FBXW7: variants seen among roughly 807,000 people sequenced by gnomAD.
FBXW7 encodes the protein F-box and WD repeat domain containing 7, also known as F-box/WD repeat-containing protein 7.
A neutral mutation model predicts 86.3 loss-of-function variants in FBXW7; 11 were observed. The ratio of observed to expected loss-of-function variants is 0.13; its 90% CI spans 0.08 to 0.21. FBXW7 has a LOEUF of 0.21. Among genes scored for constraint, FBXW7 ranks in the 10% least tolerant of loss-of-function variants. The pLI, the probability that FBXW7 is intolerant of heterozygous loss-of-function variation, is 1.00. For synonymous variants in FBXW7, 313 were observed against 297.9 expected (o/e 1.05, Z -0.52); for missense variants, 488 against 847.4 (o/e 0.58, Z 5.27).
chr4:152,448,238 A>G (rs923927603), intron 2 of FBXW7, among the ~76,000 whole-genome samples: 1 of 152,202 alleles, frequency 6.6e-6, no homozygotes, highest in African/African-American at 2.4e-5. Context: ...GCAGCTAGTA[A>G]ATCACCTGAT....
intron 2 of FBXW7, among the ~76,000 whole-genome samples, chr4:152,454,262 C>T (rs78663421): frequency 0.016 from 1,827 of 113,694 alleles, 23 homozygotes; most frequent in Middle Eastern, 0.05. Flanking sequence ...CCCCCCCCCC[C>T]TTTTTTTTTT....
rs1290914483 is a variant in FBXW7, at chr4:152,322,732, G to C, written c.*149C>G. Reference sequence around the variant, plus strand: ...TTCTTCTTTTCCTTCTTAGTCTGTAGGTCTTTTCAATCTGTTGCCCCAAGC... The same window carrying C: ...TTCTTCTTTTCCTTCTTAGTCTGTACGTCTTTTCAATCTGTTGCCCCAAGC... On this transcript the variant is annotated 3_prime_UTR_variant, in exon 14 of 14. Coordinates refer to ENST00000281708, the MANE Select transcript of FBXW7 (RefSeq NM_001349798.2). 2 of 1,275,026 alleles carry C rather than the reference G, an allele frequency of 1.6e-6. No homozygotes were observed. Among genetic ancestry groups the C allele is most frequent in the Non-Finnish European group, 1.1e-6 (1 of 947,428 alleles). The allele number at this position is 1,275,026 out of a possible 1,614,324, so 79.0% of individuals were successfully genotyped here.
intron 2 of FBXW7, among the ~76,000 whole-genome samples, chr4:152,438,317 T>C (rs1740573683): frequency 6.6e-6 from 1 of 152,198 alleles, no homozygotes; most frequent in Non-Finnish European, 1.5e-5. Flanking sequence ...GTGACTAACT[T>C]TATTATGATA....
At chr4:152,429,237 C>T (rs1454200042) in intron 2 of FBXW7, among the ~76,000 whole-genome samples, 1 of 152,032 alleles carries the variant, frequency 6.6e-6, no homozygotes, top group Non-Finnish European at 1.5e-5. Flanking sequence ...AAACTGTGTA[C>T]GTGAGTTTTT....
intron 4 of FBXW7, among the ~76,000 whole-genome samples, chr4:152,405,444 G>A (rs886386589): frequency 6.6e-6 from 1 of 152,048 alleles, no homozygotes; most frequent in African/African-American, 2.4e-5. Flanking sequence ...GATGAAACCA[G>A]GTAAAAACTA....
chr4:152,439,603 G>T (rs6852336), intron 2 of FBXW7, among the ~76,000 whole-genome samples: 32 of 151,916 alleles, frequency 2.1e-4, no homozygotes, highest in Middle Eastern at 3.4e-3. Context: ...CGGTGGCTCA[G>T]GCCTGTAATC....
intron 2 of FBXW7, among the ~76,000 whole-genome samples, chr4:152,444,752 C>T (rs1005416026): frequency 2.0e-5 from 3 of 152,136 alleles, no homozygotes; most frequent in Admixed American, 6.5e-5. Flanking sequence ...GATCCCATTC[C>T]GGTGATTCTT....
chr4:152,493,690 C>T (rs1328554463), intron 2 of FBXW7, among the ~76,000 whole-genome samples: 3 of 152,148 alleles, frequency 2.0e-5, no homozygotes, highest in Non-Finnish European at 4.4e-5. Context: ...AGTGAGGACA[C>T]AGCAAGAAGG....
At chr4:152,513,228 A>C (rs539819978) in intron 2 of FBXW7, among the ~76,000 whole-genome samples, 1 of 152,184 alleles carries the variant, frequency 6.6e-6, no homozygotes, top group Non-Finnish European at 1.5e-5. Flanking sequence ...AGTATTTAAT[A>C]GAGTGAATTT....
chr4:152,462,095 C>CT (rs1172697769), intron 2 of FBXW7, among the ~76,000 whole-genome samples: 1 of 152,146 alleles, frequency 6.6e-6, no homozygotes, highest in East Asian at 1.9e-4. Context: ...CAGCTGCTTC[C>CT]TTCTTCTAAC....
chr4:152,409,872 T>C (rs979118531), intron 4 of FBXW7, among the ~76,000 whole-genome samples: 2 of 152,164 alleles, frequency 1.3e-5, no homozygotes, highest in Non-Finnish European at 2.9e-5. Flanking sequence ...CAATAATTGT[T>C]ATTCATGATT....
intron 2 of FBXW7, among the ~76,000 whole-genome samples, chr4:152,522,446 T>A (rs764330635): frequency 4.6e-5 from 7 of 152,226 alleles, no homozygotes; most frequent in Non-Finnish European, 8.8e-5. Flanking sequence ...CTGTGACTCA[T>A]CTTTATCAAT....
At chr4:152,392,982 T>G (rs1478333708) in intron 4 of FBXW7, among the ~76,000 whole-genome samples, 1 of 152,194 alleles carries the variant, frequency 6.6e-6, no homozygotes, top group Non-Finnish European at 1.5e-5. Context: ...AAACTCACTT[T>G]TGGATTTCCT....
chr4:152,362,852 A>G (rs920404759), intron 4 of FBXW7, among the ~76,000 whole-genome samples: 2 of 151,076 alleles, frequency 1.3e-5, no homozygotes, highest in East Asian at 1.9e-4. Flanking sequence ...AAAAAAAACA[A>G]CAAGAACTTG....
At chr4:152,335,837 G>C (rs1463319529) in intron 7 of FBXW7, among the ~76,000 whole-genome samples, 1 of 152,134 alleles carries the variant, frequency 6.6e-6, no homozygotes, top group African/African-American at 2.4e-5. Flanking sequence ...TTTTGCTCTA[G>C]ATCATCTATT....
chr4:152,493,325 T>C (rs940274493), intron 2 of FBXW7, among the ~76,000 whole-genome samples: 1 of 152,022 alleles, frequency 6.6e-6, no homozygotes, highest in Non-Finnish European at 1.5e-5. Flanking sequence ...CCACCAAACC[T>C]GGCTTATTTT....
intron 2 of FBXW7, among the ~76,000 whole-genome samples, chr4:152,448,922 C>T (rs1265598521): frequency 6.6e-6 from 1 of 152,192 alleles, no homozygotes; most frequent in East Asian, 1.9e-4. Context: ...CACTTTCTGT[C>T]TTCCATCAGT....
chr4:152,503,190 G>A lies in FBXW7; in HGVS notation c.-120+31751C>T, dbSNP rs537140838. On this transcript the variant is annotated intron_variant, in intron 2 of 13. Coordinates refer to ENST00000281708, the MANE Select transcript of FBXW7 (RefSeq NM_001349798.2). ...ATATGGAAGACCTTTCTAATAATACGAAAAATCAACAGATTCAAAATGTGA... is the reference window on the plus strand; with the variant it reads ...ATATGGAAGACCTTTCTAATAATACAAAAAATCAACAGATTCAAAATGTGA... Among the ~76,000 whole-genome samples, 130 of 152,112 alleles carry A rather than the reference G, an allele frequency of 8.5e-4. 1 individual carries two copies. The highest frequency in any genetic ancestry group is 1.5e-3 in the Non-Finnish European group (100 of 67,978).
chr4:152,435,319 T>G (rs999975038), intron 2 of FBXW7, among the ~76,000 whole-genome samples: 1 of 152,232 alleles, frequency 6.6e-6, no homozygotes, highest in African/African-American at 2.4e-5. Flanking sequence ...CTTTGAAAGA[T>G]TATAAGCCAT....
Sources: gnomAD v4.1 joint callset for allele counts (sites outside exome capture counted in the v4.1 genomes callset) on GRCh38, gnomAD v4.1.1 for gene constraint, MANE v1.5 for transcripts, NCBI Gene and HGNC (gene_info 2026-07-23, HGNC 2026-07-21) for gene names.